Variants in MVB12B observed in about 807,000 individuals in gnomAD.
The protein encoded by MVB12B is ESCRT-I complex subunit MVB12B.
In MVB12B, 16 loss-of-function variants were observed where a neutral mutation model predicts 41.6. The observed-to-expected ratio is 0.38, with a 90% CI of 0.26 to 0.58. The LOEUF (loss-of-function observed/expected upper bound fraction) is 0.58, where lower values mean the gene tolerates loss of function less well. Among genes scored for constraint, MVB12B ranks in the 20% least tolerant of loss-of-function variants. The pLI is 0.62. For missense variants in MVB12B, 274 were observed against 380.2 expected (o/e 0.72, Z 2.32); for synonymous variants, 133 against 139.7 (o/e 0.95, Z 0.34).
At chr9:126,327,149 T>C in intron 1 of MVB12B, 139 bp downstream of exon 1, 1 of 642,414 alleles carries the variant, frequency 1.6e-6, no homozygotes, top group South Asian at 6.8e-5. Flanking sequence ...GCGGGCTCCG[T>C]GCCCGGCCCG....
In MVB12B at chr9:126,348,908, A is replaced by G. The variant is rs573060187; in HGVS notation, c.204+8278A>G. ...CATTAATACAGAACATTTCTGTTTT[A>G]AAACGTGCCCAGGTTTTTGTTTTTA... On this transcript the variant is annotated intron_variant, in intron 2 of 9. Coordinates refer to ENST00000361171, the MANE Select transcript of MVB12B (RefSeq NM_033446.3). Among the ~76,000 whole-genome samples, 4 of 152,314 alleles carry G rather than the reference A, an allele frequency of 2.6e-5. No individual in the cohort carries two copies. In the South Asian group the frequency reaches 8.3e-4, roughly 32 times the overall value.
intron 7 of MVB12B, among the ~76,000 whole-genome samples, chr9:126,458,233 A>C (rs912985096): frequency 7.2e-5 from 11 of 152,166 alleles, no homozygotes; most frequent in Non-Finnish European, 1.6e-4. Context: ...AAGCGGGTAA[A>C]CGTCTCTGTG....
At chr9:126,481,181 A>G in intron 7 of MVB12B, 188 bp from the exon 8 acceptor site, 2 of 622,308 alleles carry the variant, frequency 3.2e-6, no homozygotes, top group Non-Finnish European at 5.7e-6. Context: ...CTCTCTCAGT[A>G]GGTTGTGTGT....
At chr9:126,492,019 G>A (rs1833741320) in intron 9 of MVB12B, among the ~76,000 whole-genome samples, 1 of 151,546 alleles carries the variant, frequency 6.6e-6, no homozygotes, top group Non-Finnish European at 1.5e-5. Context: ...AATATTTAGT[G>A]TTTCCTGAGT....
chr9:126,352,836 A>G (rs1829789580), intron 2 of MVB12B, among the ~76,000 whole-genome samples: 1 of 152,262 alleles, frequency 6.6e-6, no homozygotes, highest in Non-Finnish European at 1.5e-5. Flanking sequence ...TAAGCCTGTC[A>G]TAAATCTTTC....
In MVB12B at chr9:126,395,710, C is replaced by A. The variant is rs1169502187; in HGVS notation, c.662+13C>A. ...CCAACCTTCCCAGGTGAGGCCTTGT[C>A]GGGGTGTCTTGCGTTGTCCTGTGGT... On this transcript the variant is annotated intron_variant, in intron 6 of 9. Transcript: ENST00000361171. This position sits in a 1 kb window ranked among gnomAD's most constrained non-coding sequence, Gnocchi z 4.9. 6.2e-7 allele frequency: 1 copy of A among 1,613,636 alleles called. No individual in the cohort carries two copies. Among genetic ancestry groups the A allele is most frequent in the African/African-American group, 1.3e-5 (1 of 74,904 alleles).
intron 9 of MVB12B, among the ~76,000 whole-genome samples, chr9:126,487,698 C>T (rs527359043): frequency 2.4e-4 from 36 of 148,616 alleles, no homozygotes; most frequent in African/African-American, 4.0e-4. Flanking sequence ...GCCCAGGAGA[C>T]GGAGGTTGCA....
chr9:126,371,678 G>C (rs1270487922), intron 2 of MVB12B, among the ~76,000 whole-genome samples: 1 of 152,166 alleles, frequency 6.6e-6, no homozygotes, highest in African/African-American at 2.4e-5. Flanking sequence ...ATGGTTCAAT[G>C]GTTCAATCAG....
intron 5 of MVB12B, among the ~76,000 whole-genome samples, chr9:126,393,049 G>A (rs907532073): frequency 3.9e-5 from 6 of 152,194 alleles, no homozygotes; most frequent in South Asian, 2.1e-4. Context: ...GCCTGGGCCC[G>A]TTTGTGTCTT....
At chr9:126,463,435 C>T (rs967848800) in intron 7 of MVB12B, among the ~76,000 whole-genome samples, 8 of 152,146 alleles carry the variant, frequency 5.3e-5, no homozygotes, top group African/African-American at 9.7e-5. Flanking sequence ...GCCTTTTTCT[C>T]CATAAATTAA....
At chr9:126,498,435 C>T (rs1399227092) in intron 9 of MVB12B, among the ~76,000 whole-genome samples, 2 of 152,218 alleles carry the variant, frequency 1.3e-5, no homozygotes, top group African/African-American at 4.8e-5. Context: ...CCCTTTGGTT[C>T]CCTCCCACCT....
At chr9:126,334,126 G>A (rs530973993) in intron 1 of MVB12B, among the ~76,000 whole-genome samples, 36 of 152,256 alleles carry the variant, frequency 2.4e-4, no homozygotes, top group Non-Finnish European at 4.1e-4. Context: ...TGGACTTTCC[G>A]TCTCATTACT....
At chr9:126,465,589 G>GT (rs1833183503) in intron 7 of MVB12B, among the ~76,000 whole-genome samples, 1 of 149,662 alleles carries the variant, frequency 6.7e-6, no homozygotes, top group South Asian at 2.1e-4. Context: ...GCCATTATAT[G>GT]TTAGATACTG....
intron 2 of MVB12B, among the ~76,000 whole-genome samples, chr9:126,378,794 G>T (rs1335841878): frequency 6.6e-6 from 1 of 152,152 alleles, no homozygotes; most frequent in African/African-American, 2.4e-5. Context: ...GGACTGGGAG[G>T]CTCTAACTGC....
chr9:126,421,349 A>T lies in MVB12B; in HGVS notation c.663-505A>T, dbSNP rs1832011376. The stretch of plus-strand genomic sequence containing the variant: ...GCCATCCTGATTTTCAGAGGTCATT[A>T]GTCTCCTGAACTCATATGGCAATAA... On this transcript the variant is annotated intron_variant, in intron 6 of 9. Transcript: ENST00000361171. 2.0e-5 allele frequency among the ~76,000 whole-genome samples: 3 copies of T among 152,238 alleles called. No homozygotes were observed. The South Asian group carries it at 6.2e-4, about 31-fold the overall frequency.
intron 2 of MVB12B, among the ~76,000 whole-genome samples, chr9:126,375,739 A>G (rs961097241): frequency 5.9e-5 from 9 of 152,090 alleles, no homozygotes; most frequent in African/African-American, 1.9e-4. Flanking sequence ...TCTTTATTCT[A>G]CCCTCACACT....
rs763962616 is a variant in MVB12B, at chr9:126,468,875, C to T, written c.758-12494C>T. Among the ~76,000 whole-genome samples, 10 of 152,198 alleles carry T rather than the reference C, an allele frequency of 6.6e-5. No homozygotes were observed. Among genetic ancestry groups the T allele is most frequent in the Non-Finnish European group, 1.3e-4 (9 of 68,038 alleles). On this transcript the variant is annotated intron_variant, in intron 7 of 9. Transcript: ENST00000361171. The surrounding 1 kb of genome is among the most constrained non-coding windows in gnomAD (Gnocchi z 4.3). ...GCTGGTTCTTGGTTGTCTCTGGACC[C>T]TACTTCTATGCAACAGTTAAAAAGG...
intron 1 of MVB12B, among the ~76,000 whole-genome samples, chr9:126,335,688 A>C (rs1475041105): frequency 6.6e-6 from 1 of 152,224 alleles, no homozygotes; most frequent in Admixed American, 6.5e-5. Context: ...CATTTCCAGC[A>C]GCTACCTGCT....
chr9:126,456,247 TG>T (rs1240031449), intron 7 of MVB12B, among the ~76,000 whole-genome samples: 1 of 152,222 alleles, frequency 6.6e-6, no homozygotes, highest in Non-Finnish European at 1.5e-5. Context: ...TAAATGTTTT[TG>T]TTGGATACTT....
Sources: allele counts gnomAD v4.1 joint callset (sites outside exome capture counted in the v4.1 genomes callset), GRCh38; gene constraint gnomAD v4.1.1; non-coding constraint Gnocchi (gnomAD v3.1); transcripts MANE v1.5; gene names NCBI Gene and HGNC (gene_info 2026-07-23, HGNC 2026-07-21).